Variants in FSTL4 observed in about 807,000 individuals in gnomAD.
The protein encoded by FSTL4 is follistatin like 4, also known as follistatin-related protein 4.
A neutral mutation model predicts 78.2 loss-of-function variants in FSTL4; 28 were observed. The ratio of observed to expected loss-of-function variants is 0.36; its 90% CI spans 0.27 to 0.49. The LOEUF (loss-of-function observed/expected upper bound fraction) is 0.49. FSTL4 is among the 20% of genes least tolerant of loss of function. The pLI is 0.98. For synonymous variants in FSTL4, 422 were observed against 440.5 expected (o/e 0.96, Z 0.53); for missense variants, 922 against 1,084.9 (o/e 0.85, Z 2.11).
chr5:133,344,164 T>C (rs1486827173), intron 4 of FSTL4, among the ~76,000 whole-genome samples: 1 of 152,186 alleles, frequency 6.6e-6, no homozygotes, highest in Non-Finnish European at 1.5e-5. Context: ...ACCACTTTCT[T>C]GAAAATTTTT....
In FSTL4 at chr5:133,427,056, C is replaced by G. The variant is rs542752527; in HGVS notation, c.161-26070G>C. On this transcript the variant is annotated intron_variant, in intron 3 of 15. Coordinates refer to ENST00000265342, the MANE Select transcript of FSTL4 (RefSeq NM_015082.2). Reference sequence around the variant, plus strand: ...CCTATGAACTAGCTCACACTGCCCCCCAAGACTACCCCAGCAATGTCACCA... The same window carrying G: ...CCTATGAACTAGCTCACACTGCCCCGCAAGACTACCCCAGCAATGTCACCA... Among the ~76,000 whole-genome samples the G allele has an allele frequency of 1.6e-4, 24 of 152,302 alleles. No homozygotes were observed. The East Asian group carries it at 1.7e-3, about 11-fold the overall frequency.
chr5:133,578,401 C>T (rs969338957), intron 2 of FSTL4, among the ~76,000 whole-genome samples: 6 of 152,158 alleles, frequency 3.9e-5, no homozygotes, highest in African/African-American at 9.7e-5. Context: ...CGGGCAGACC[C>T]GACAGCCCAG....
the FSTL4 span, among the ~76,000 whole-genome samples, chr5:133,798,154 C>T: frequency 1.3e-5 from 2 of 152,238 alleles, no homozygotes; most frequent in East Asian, 1.9e-4. Flanking sequence ...CCCTACTGCT[C>T]AGCATATTTG....
chr5:133,650,635 A>G, the FSTL4 span, among the ~76,000 whole-genome samples: 1 of 152,108 alleles, frequency 6.6e-6, no homozygotes, highest in Non-Finnish European at 1.5e-5. Flanking sequence ...ATTCTGTTCC[A>G]TTGATCTATC....
the FSTL4 span, among the ~76,000 whole-genome samples, chr5:133,628,290 A>G: frequency 6.6e-6 from 1 of 152,140 alleles, no homozygotes; most frequent in African/African-American, 2.4e-5. Context: ...AGACAGAGAC[A>G]CAAAAAACCC....
the FSTL4 span, among the ~76,000 whole-genome samples, chr5:133,694,270 A>G: frequency 6.6e-6 from 1 of 152,244 alleles, no homozygotes; most frequent in South Asian, 2.1e-4. Flanking sequence ...TCCCAGGCCC[A>G]GAGTGGGCCC....
chr5:133,786,596 G>C, the FSTL4 span, among the ~76,000 whole-genome samples: 593 of 152,296 alleles, frequency 3.9e-3, 6 homozygotes, highest in African/African-American at 0.013. Flanking sequence ...GTCTAGCCTC[G>C]GCTTGGGAAA....
At chr5:133,220,646 C>A in intron 12 of FSTL4, 102 bp downstream of exon 12, 1 of 753,366 alleles carries the variant, frequency 1.3e-6, no homozygotes, top group South Asian at 1.6e-5. Context: ...CCACATATAG[C>A]AAATGGAATT....
At chr5:133,506,927 A>C (rs1431106079) in intron 3 of FSTL4, among the ~76,000 whole-genome samples, 1 of 152,242 alleles carries the variant, frequency 6.6e-6, no homozygotes, top group Admixed American at 6.5e-5. Context: ...AAAGCAGGCA[A>C]TAGGCCAGGC....
chr5:133,821,406 C>T, the FSTL4 span, among the ~76,000 whole-genome samples: 6 of 152,354 alleles, frequency 3.9e-5, no homozygotes, highest in East Asian at 9.6e-4. Flanking sequence ...GGGTAGGACG[C>T]AGCCCCAGTG....
At chr5:133,370,215 G>A (rs753890548) in intron 4 of FSTL4, among the ~76,000 whole-genome samples, 15 of 152,184 alleles carry the variant, frequency 9.9e-5, no homozygotes, top group Non-Finnish European at 1.5e-4. Flanking sequence ...AGAGGAACAT[G>A]ATTTCTGCCC....
the FSTL4 span, among the ~76,000 whole-genome samples, chr5:133,626,936 TG>T: frequency 2.0e-5 from 3 of 152,260 alleles, no homozygotes; most frequent in Non-Finnish European, 4.4e-5. Context: ...TCTTTACCTT[TG>T]CTGATTTTCT....
At chr5:133,551,538 C>T (rs924096877) in intron 3 of FSTL4, among the ~76,000 whole-genome samples, 1 of 152,094 alleles carries the variant, frequency 6.6e-6, no homozygotes. Flanking sequence ...CTTCGGAGCC[C>T]GGATTAAAAG....
intron 3 of FSTL4, chr5:133,427,576 G>A (rs768150197): frequency 7.8e-6 from 4 of 512,876 alleles, no homozygotes; most frequent in Non-Finnish European, 1.2e-5. Context: ...GCACGCAATG[G>A]CGGGGGGAAG....
In FSTL4 at chr5:133,218,595, G is replaced by A. The variant is rs966067755; in HGVS notation, c.1459-1217C>T. Among the ~76,000 whole-genome samples, 8 of 152,238 alleles carry A rather than the reference G, an allele frequency of 5.3e-5. No individual in the cohort carries two copies. The South Asian group carries it at 8.3e-4, about 16-fold the overall frequency. ...ACCCACCCTACTCCATGCCATGGGC[G>A]TGCTCAGCACTCCTCAATCACGCCG... On this transcript the variant is annotated intron_variant, in intron 12 of 15. Coordinates refer to ENST00000265342, the MANE Select transcript of FSTL4 (RefSeq NM_015082.2).
intron 3 of FSTL4, among the ~76,000 whole-genome samples, chr5:133,526,450 G>T (rs546037966): frequency 6.6e-6 from 1 of 152,110 alleles, no homozygotes; most frequent in Non-Finnish European, 1.5e-5. Flanking sequence ...CAGCCAGAAC[G>T]AAGGGGACTT....
At chr5:133,655,810 A>T in the FSTL4 span, among the ~76,000 whole-genome samples, 1 of 152,208 alleles carries the variant, frequency 6.6e-6, no homozygotes, top group South Asian at 2.1e-4. Flanking sequence ...TGCTTACCTC[A>T]TGTCAGGCTG....
chr5:133,500,131 C>T (rs1042239565), intron 3 of FSTL4, among the ~76,000 whole-genome samples: 4 of 152,108 alleles, frequency 2.6e-5, no homozygotes, highest in African/African-American at 7.2e-5. Context: ...TGAAGGCTTA[C>T]GTTGAGTCTT....
the FSTL4 span, among the ~76,000 whole-genome samples, chr5:133,810,312 C>T: frequency 6.6e-6 from 1 of 152,240 alleles, no homozygotes; most frequent in African/African-American, 2.4e-5. Flanking sequence ...TCCCAGGAGC[C>T]TGTGTCCAGC....
Sources: allele counts gnomAD v4.1 joint callset (sites outside exome capture counted in the v4.1 genomes callset), GRCh38; gene constraint gnomAD v4.1.1; transcripts MANE v1.5; gene names NCBI Gene and HGNC (gene_info 2026-07-23, HGNC 2026-07-21).